The following LIME1 variants were observed in gnomAD, a reference collection of about 807,000 sequenced individuals.
The protein encoded by LIME1 is lck-interacting transmembrane adapter 1.
In LIME1, 23 loss-of-function variants were observed where a neutral mutation model predicts 18.8. The observed-to-expected ratio is 1.22, with a 90% confidence interval of 0.88 to 1.73. The LOEUF (loss-of-function observed/expected upper bound fraction) is 1.73. Ranked by LOEUF, LIME1 falls within the 40% of genes most tolerant of loss-of-function variation. LIME1 has a pLI of 0.00. For missense variants in LIME1, 423 were observed against 396.8 expected, an observed-to-expected ratio of 1.07 and a Z score of -0.56; for synonymous variants, 177 against 182.3, an observed-to-expected ratio of 0.97 and a Z score of 0.23.
chr20:63,737,692 C>G (rs772911079), intron 2 of LIME1, 45 bp downstream of exon 2: 1 of 1,496,434 alleles, frequency 6.7e-7, no homozygotes, highest in African/African-American at 1.4e-5. Context: ...GCTGCGGCTG[C>G]CATTCACAGC....
intron 1 of LIME1, 156 bp downstream of exon 1, chr20:63,736,868 T>C: frequency 2.0e-6 from 2 of 986,770 alleles, no homozygotes; most frequent in Non-Finnish European, 2.4e-6. Flanking sequence ...CTGTCTCTGC[T>C]GCTGGACTGT....
Position 63,737,595 on chromosome 20 carries a change from G to T in LIME1, c.46G>T (p.Gly16Trp). ...GGCCCCTCCTGCCCTCTGGGTTCTA[G>T]GGTGCTGCGCCCTGCTCCTCTCGCT... ...SWAPPALWVL[G>W]CCALLLSLWA... Residue 16 changes from glycine to tryptophan, a missense_variant, in exon 2 of 6, where the codon GGG (glycine) becomes TGG (tryptophan). Gly to Trp is a radical substitution (Grantham distance 184). Transcript: ENST00000309546. 1 of 1,604,618 alleles carries T rather than the reference G, an allele frequency of 6.2e-7. No individual in the cohort carries two copies. The highest frequency in any genetic ancestry group is 2.3e-5 in the East Asian group (1 of 44,166).
chr20:63,738,179 C>G lies in LIME1; in HGVS notation c.269-4C>G. 1 of 1,563,610 alleles carries G rather than the reference C, an allele frequency of 6.4e-7. No individual in the cohort carries two copies. The highest frequency in any genetic ancestry group is 8.6e-7 in the Non-Finnish European group (1 of 1,159,846). ...AGTGAACTCTGCCCTGACCCCACCC[C>G]CAGCCCTGCGGCCTGCCAGCATGGA... On this transcript the variant is annotated splice_polypyrimidine_tract_variant and splice_region_variant and intron_variant, in intron 4 of 5. Coordinates refer to ENST00000309546, the MANE Select transcript of LIME1 (RefSeq NM_017806.4).
In LIME1 at chr20:63,738,851, G is replaced by T; in HGVS notation, c.839G>T (p.Cys280Phe). Reference protein sequence around the residue: ...CGAGTPPASSCPSLGRGWRPL... With the variant: ...CGAGTPPASSFPSLGRGWRPL... ...GCTGGGACGCCCCCTGCTTCCAGCT[G>T]CCCCAGCCTAGGGAGGGGCTGGAGA... is the stretch of plus-strand genomic sequence containing the variant. The change falls in exon 6 of 6, where the codon TGC (cysteine) becomes TTC (phenylalanine). Residue 280 changes from cysteine to phenylalanine, a missense_variant. Transcript: ENST00000309546. 1 of 1,610,550 alleles carries T rather than the reference G, an allele frequency of 6.2e-7. No individual in the cohort carries two copies. The highest frequency in any genetic ancestry group is 8.5e-7 in the Non-Finnish European group (1 of 1,179,048).
chr20:63,737,791 C>A, intron 2 of LIME1, 30 bp from the exon 3 acceptor site: 1 of 1,292,984 alleles, frequency 7.7e-7, no homozygotes, highest in Non-Finnish European at 1.0e-6. Flanking sequence ...CTGACGACCC[C>A]GCCCCCCGCC....
chr20:63,735,791 G>GCAGGGATGC, upstream of LIME1: 1 of 1,605,274 alleles, frequency 6.2e-7, no homozygotes, highest in South Asian at 1.1e-5. Context: ...GCATAGCGTG[G>GCAGGGATGC]CGTCAGCCCA....
At chr20:63,737,243 C>T (rs2092000857) in intron 1 of LIME1, 4 of 1,170,908 alleles carry the variant, frequency 3.4e-6, no homozygotes, top group Admixed American at 9.1e-5. Context: ...CTATGGTGGC[C>T]ACAGCTGTCT....
intron 1 of LIME1, chr20:63,737,310 G>C: frequency 7.9e-7 from 1 of 1,271,396 alleles, no homozygotes; most frequent in Non-Finnish European, 9.9e-7. Context: ...GGACACGGAG[G>C]GGCCAGGCAG....
chr20:63,736,640 C>G (rs1404934689), upstream of LIME1: 2 of 986,212 alleles, frequency 2.0e-6, no homozygotes, highest in African/African-American at 1.7e-5. Flanking sequence ...AGGTGGGGAG[C>G]TCAGCCGAGG....
Position 63,737,976 on chromosome 20 carries a change from C to T in LIME1, c.184C>T (p.Leu62=), listed in dbSNP as rs1294731210. ...GACCAGCCTTCCTCGCCCCCAGTCC[C>T]TACTGAGGCGGACCCACCTCTGCTC... The part of the protein sequence containing the change: ...QGSATAAEAS[L]LRRTHLCSLS... The change falls in exon 4 of 6, where the codon CTA becomes TTA. Residue 62 remains leucine (L), a synonymous_variant. Transcript: ENST00000309546. The T allele has an allele frequency of 7.6e-6, 12 of 1,572,070 alleles. No homozygotes were observed. The highest frequency in any genetic ancestry group is 9.5e-6 in the Non-Finnish European group (11 of 1,161,242).
rs1406669787 is a variant in LIME1 at position 63,738,192 on chromosome 20, C to T, written c.278C>T (p.Pro93Leu). Residue 93 changes from proline to leucine, a missense_variant, in exon 5 of 6, where the codon CCT (proline) becomes CTT (leucine). By Grantham distance (98) the Pro-to-Leu change is moderately conservative. Coordinates refer to ENST00000309546, the MANE Select transcript of LIME1 (RefSeq NM_017806.4). Reference sequence around the variant, plus strand: ...CTGACCCCACCCCCAGCCCTGCGGCCTGCCAGCATGGATCTCCTGCGCCCA... The same window carrying T: ...CTGACCCCACCCCCAGCCCTGCGGCTTGCCAGCATGGATCTCCTGCGCCCA... ...RGPRSSRALR[P>L]ASMDLLRPHW... The T allele has an allele frequency of 6.3e-7, 1 of 1,577,078 alleles. No individual in the cohort carries two copies. The highest frequency in any genetic ancestry group is 1.7e-4 in the Middle Eastern group (1 of 6,008).
chr20:63,736,795 C>T, intron 1 of LIME1, 83 bp downstream of exon 1: 3 of 985,120 alleles, frequency 3.0e-6, no homozygotes, highest in South Asian at 4.7e-5. Context: ...AGGCTGAAGC[C>T]CACTCCCTGG....
At chr20:63,736,054 G>C, upstream of LIME1, 5 of 1,317,552 alleles carry the variant, frequency 3.8e-6, no homozygotes, top group Non-Finnish European at 5.1e-6. Flanking sequence ...CAGAGCTGCG[G>C]GGTCCCATCT....
chr20:63,738,071 G>A lies in LIME1; in HGVS notation c.268+11G>A, dbSNP rs1249543794. The stretch of plus-strand genomic sequence containing the variant: ...CGCGCAGCAGCAGGGGTGAGCAGAG[G>A]GCGGGGCGGGGGCGGCCGGGCGGGG... On this transcript the variant is annotated intron_variant, in intron 4 of 5. Transcript: ENST00000309546. 1 of 1,253,942 alleles carries A rather than the reference G, an allele frequency of 8.0e-7. No homozygotes were observed. Among genetic ancestry groups the A allele is most frequent in the South Asian group, 1.3e-5 (1 of 78,908 alleles). 77.7% of individuals were successfully genotyped at this position (1,253,942 alleles called of 1,614,324 possible).
chr20:63,737,364 GGC>G, intron 1 of LIME1, 167 bp from the exon 2 acceptor site: 2 of 1,325,192 alleles, frequency 1.5e-6, no homozygotes, highest in Admixed American at 3.8e-5. Context: ...CCAGAAGGTG[GGC>G]ACCTCTGGGA....
chr20:63,737,910 C>A lies in LIME1; in HGVS notation c.180+8C>A. 1 of 1,579,318 alleles carries A rather than the reference C, an allele frequency of 6.3e-7. No individual in the cohort carries two copies. The highest frequency in any genetic ancestry group is 8.6e-7 in the Non-Finnish European group (1 of 1,164,982). On this transcript the variant is annotated splice_region_variant and intron_variant, in intron 3 of 5. Coordinates refer to ENST00000309546, the MANE Select transcript of LIME1 (RefSeq NM_017806.4). ...GCGACGGCGGCGGAAGCGGTGAGTG[C>A]CAGGCTGTCCCGGGGACCAGGGTGG...
chr20:63,738,151 C>G (rs757888192), intron 4 of LIME1, 32 bp from the exon 5 acceptor site: 1 of 1,540,986 alleles, frequency 6.5e-7, no homozygotes, highest in Non-Finnish European at 8.7e-7. Flanking sequence ...GCCCCCTGCC[C>G]GGAGTGAACT....
Position 63,738,958 on chromosome 20 carries a change from G to T in LIME1, c.*58G>T. The T allele has an allele frequency of 7.1e-7, 1 of 1,411,364 alleles. No homozygotes were observed. The highest frequency in any genetic ancestry group is 1.5e-5 in the African/African-American group (1 of 68,882). 87.4% of individuals were successfully genotyped at this position (1,411,364 alleles called of 1,614,324 possible). On this transcript the variant is annotated 3_prime_UTR_variant, in exon 6 of 6. Coordinates refer to ENST00000309546, the MANE Select transcript of LIME1 (RefSeq NM_017806.4). ...TGAGGCCCGTCCCCCGCCCCGCCCCGCCTCACAGCTGACAGCGCCAGTCCC... is the reference window on the plus strand; with the variant it reads ...TGAGGCCCGTCCCCCGCCCCGCCCCTCCTCACAGCTGACAGCGCCAGTCCC...
Position 63,738,703 on chromosome 20 carries a change from G to A in LIME1, c.691G>A (p.Gly231Ser), listed in dbSNP as rs1246983817. 25 of 1,612,768 alleles carry A rather than the reference G, an allele frequency of 1.6e-5. No individual in the cohort carries two copies. Among genetic ancestry groups the A allele is most frequent in the Non-Finnish European group, 2.1e-5 (25 of 1,179,890 alleles). Residue 231 changes from glycine to serine, a missense_variant, in exon 6 of 6, where the codon GGT becomes AGT. Gly to Ser is a moderately conservative substitution (Grantham distance 56). Transcript: ENST00000309546. ...CCAGGGAGCGATTCTGGCCCTGGCG[G>A]GTGACCTGGCCTACCAGACCCTCCC... ...KGQGAILALA[G>S]DLAYQTLPLR...
Sources: gnomAD v4.1 joint callset for allele counts on GRCh38, gnomAD v4.1.1 for gene constraint, MANE v1.5 for transcripts, NCBI Gene and HGNC (gene_info 2026-07-23, HGNC 2026-07-21) for gene names.